The following PTBP3 variants were observed in gnomAD, a reference collection of about 807,000 sequenced individuals.
PTBP3 encodes polypyrimidine tract binding protein 3.
A neutral mutation model predicts 58.7 loss-of-function variants in PTBP3; 20 were observed. The observed-to-expected ratio is 0.34, with a 90% CI of 0.24 to 0.50. The LOEUF is 0.50. Among genes scored for constraint, PTBP3 ranks in the 20% least tolerant of loss-of-function variants. PTBP3 has a pLI of 0.98. For synonymous variants in PTBP3, 185 were observed against 219.8 expected, an observed-to-expected ratio of 0.84 and a Z score of 1.40; for missense variants, 509 against 637.2, an observed-to-expected ratio of 0.80 and a Z score of 2.17.
intron 1 of PTBP3, among the ~76,000 whole-genome samples, chr9:112,319,383 A>T (rs942655832): frequency 6.6e-6 from 1 of 152,078 alleles, no homozygotes; most frequent in Non-Finnish European, 1.5e-5. Flanking sequence ...ACAAAAATAA[A>T]AAAATAGCCA....
intron 7 of PTBP3, among the ~76,000 whole-genome samples, chr9:112,248,772 C>T (rs1306107411): frequency 6.6e-6 from 1 of 152,132 alleles, no homozygotes; most frequent in Non-Finnish European, 1.5e-5. Flanking sequence ...CCAACAATTC[C>T]TTTCCTATGT....
chr9:112,271,774 T>C (rs1050997634), intron 3 of PTBP3, among the ~76,000 whole-genome samples: 32 of 152,126 alleles, frequency 2.1e-4, no homozygotes, highest in African/African-American at 7.0e-4. Context: ...GAAAATAGTT[T>C]ATAATCTTCA....
Position 112,220,554 on chromosome 9 carries a change from T to C in PTBP3, c.*3297A>G. 9.9e-7 allele frequency: 1 copy of C among 1,007,684 alleles called. No individual in the cohort carries two copies. The highest frequency in any genetic ancestry group is 1.2e-6 in the Non-Finnish European group (1 of 842,872). The allele number at this position is 1,007,684 out of a possible 1,614,324, so 62.4% of individuals were successfully genotyped here. ...TCCAAAAACTGAGCTCAGCAACTTT[T>C]AACAGTAAATCAGAAACATTACTTC... On this transcript the variant is annotated 3_prime_UTR_variant, in exon 14 of 14. Coordinates refer to ENST00000374257, the MANE Select transcript of PTBP3 (RefSeq NM_001163788.4).
chr9:112,282,553 T>C (rs1827915708), intron 2 of PTBP3, among the ~76,000 whole-genome samples: 1 of 152,188 alleles, frequency 6.6e-6, no homozygotes, highest in Non-Finnish European at 1.5e-5. Context: ...ACAAATTTCA[T>C]TAAGTTACGG....
chr9:112,311,196 GT>G (rs76795645), intron 1 of PTBP3, among the ~76,000 whole-genome samples: 3,747 of 145,478 alleles, frequency 0.026, 152 homozygotes, highest in African/African-American at 0.083. Context: ...TGGAAAATGT[GT>G]TTTTTTTTTT....
chr9:112,327,764 G>T (rs1434042577), intron 1 of PTBP3, among the ~76,000 whole-genome samples: 3 of 148,710 alleles, frequency 2.0e-5, no homozygotes, highest in African/African-American at 7.5e-5. Flanking sequence ...AAAATGAAAT[G>T]ATTTCTTTCT....
At chr9:112,320,551 C>T (rs1432486917) in intron 1 of PTBP3, among the ~76,000 whole-genome samples, 3 of 150,070 alleles carry the variant, frequency 2.0e-5, no homozygotes, top group Admixed American at 1.3e-4. Context: ...TATAATATGA[C>T]AAGCTGACTT....
chr9:112,275,640 A>C (rs1402152127), intron 3 of PTBP3, among the ~76,000 whole-genome samples: 1 of 152,176 alleles, frequency 6.6e-6, no homozygotes, highest in East Asian at 1.9e-4. Flanking sequence ...AACATAAGTC[A>C]ATGGATAAGA....
intron 7 of PTBP3, among the ~76,000 whole-genome samples, chr9:112,250,060 A>C (rs933602889): frequency 5.3e-5 from 8 of 152,120 alleles, no homozygotes; most frequent in Admixed American, 4.6e-4. Flanking sequence ...AAAATAATGA[A>C]CTATTTTTCA....
the PTBP3 span, among the ~76,000 whole-genome samples, chr9:112,346,818 G>C: frequency 2.6e-5 from 4 of 152,048 alleles, no homozygotes; most frequent in Non-Finnish European, 4.4e-5. Context: ...TTGCCTCCCA[G>C]GTTCAAGTGA....
the PTBP3 span, among the ~76,000 whole-genome samples, chr9:112,347,075 G>C: frequency 2.6e-5 from 4 of 152,072 alleles, no homozygotes; most frequent in Non-Finnish European, 4.4e-5. Flanking sequence ...TGCACCAGAA[G>C]ATGTATGAAA....
In PTBP3 at chr9:112,333,064, G is replaced by GC. The variant is rs898129733; in HGVS notation, c.-52+405dup. The GC allele has an allele frequency of 1.8e-5, 23 of 1,268,908 alleles. No individual in the cohort carries two copies. The African/African-American group carries it at 2.8e-4, about 15-fold the overall frequency. 78.6% of individuals were successfully genotyped at this position (1,268,908 alleles called of 1,614,324 possible). On this transcript the variant is annotated intron_variant, in intron 1 of 13. Coordinates refer to ENST00000374257, the MANE Select transcript of PTBP3 (RefSeq NM_001163788.4). ...CAACTCCCCCGGCAGGAGGACGCCC[G>GC]CCCCGCGCGCCGCCTCCGCCTCCCC...
chr9:112,371,077 T>A, the PTBP3 span, among the ~76,000 whole-genome samples: 1 of 152,216 alleles, frequency 6.6e-6, no homozygotes, highest in East Asian at 1.9e-4. Flanking sequence ...AAGATAGTTT[T>A]ACTCCTTCCT....
At chr9:112,335,431 GC>G (rs1195491559), upstream of PTBP3, among the ~76,000 whole-genome samples, 1 of 151,076 alleles carries the variant, frequency 6.6e-6, no homozygotes, top group African/African-American at 2.4e-5. Flanking sequence ...GATTACAGGC[GC>G]CCGCCACCAC....
intron 1 of PTBP3, among the ~76,000 whole-genome samples, chr9:112,320,756 A>T (rs1321796519): frequency 6.6e-6 from 1 of 152,218 alleles, no homozygotes; most frequent in Non-Finnish European, 1.5e-5. Flanking sequence ...TGGTAAGTTG[A>T]TTTTCAAATA....
chr9:112,361,372 T>C, the PTBP3 span, among the ~76,000 whole-genome samples: 1 of 152,304 alleles, frequency 6.6e-6, no homozygotes, highest in African/African-American at 2.4e-5. Flanking sequence ...GTGCTGGGAT[T>C]ACAGGTGTAA....
chr9:112,363,503 C>T, the PTBP3 span, among the ~76,000 whole-genome samples: 1 of 142,184 alleles, frequency 7.0e-6, no homozygotes, highest in African/African-American at 2.7e-5. Flanking sequence ...GCCTGGGCTA[C>T]AGAGCAAAAC....
chr9:112,367,526 T>C, the PTBP3 span, among the ~76,000 whole-genome samples: 3 of 152,142 alleles, frequency 2.0e-5, no homozygotes, highest in Non-Finnish European at 4.4e-5. Context: ...AACAGTATAG[T>C]ATTGTTAGTT....
intron 1 of PTBP3, among the ~76,000 whole-genome samples, chr9:112,320,901 A>G (rs1330108785): frequency 6.6e-6 from 1 of 152,186 alleles, no homozygotes; most frequent in Non-Finnish European, 1.5e-5. Context: ...AAAAGCTAAA[A>G]CTACAGGCTT....
Sources: gnomAD v4.1 joint callset for allele counts (sites outside exome capture counted in the v4.1 genomes callset) on GRCh38, gnomAD v4.1.1 for gene constraint, MANE v1.5 for transcripts, NCBI Gene and HGNC (gene_info 2026-07-23, HGNC 2026-07-21) for gene names.